RAB33B: variants seen among roughly 807,000 people sequenced by gnomAD.
RAB33B encodes ras-related protein Rab-33B.
RAB33B carries 6 observed loss-of-function variants against 15.0 expected under a neutral mutation model. The ratio of observed to expected loss-of-function variants is 0.40; its 90% CI spans 0.22 to 0.79. The LOEUF (loss-of-function observed/expected upper bound fraction) is 0.79, where lower values mean the gene tolerates loss of function less well. Ranked by LOEUF, RAB33B falls within the 30% of genes least tolerant of loss-of-function variation. RAB33B has a pLI of 0.37. For synonymous variants in RAB33B, 117 were observed against 108.3 expected (o/e 1.08, Z -0.50); for missense variants, 257 against 296.4 (o/e 0.87, Z 0.98).
chr4:139,467,285 T>C (rs1397723737), intron 1 of RAB33B, among the ~76,000 whole-genome samples: 2 of 142,946 alleles, frequency 1.4e-5, no homozygotes, highest in East Asian at 2.1e-4. Flanking sequence ...CGCGCACCTC[T>C]TTCCCCACCA....
Position 139,454,336 on chromosome 4 carries a change from A to T in RAB33B, c.141A>T (p.Thr47=). 1.2e-6 allele frequency: 2 copies of T among 1,614,100 alleles called. No homozygotes were observed. Among genetic ancestry groups the T allele is most frequent in the Non-Finnish European group, 1.7e-6 (2 of 1,180,002 alleles). ...IVIGDSNVGK[T]CLTYRFCAGR... Reference sequence around the variant, plus strand: ...TCGGCGACTCCAATGTGGGCAAGACATGCCTGACCTACCGCTTCTGCGCTG... The same window carrying T: ...TCGGCGACTCCAATGTGGGCAAGACTTGCCTGACCTACCGCTTCTGCGCTG... The change falls in exon 1 of 2, where the codon ACA becomes ACT. Residue 47 remains threonine (T), a synonymous_variant. Coordinates refer to ENST00000305626, the MANE Select transcript of RAB33B (RefSeq NM_031296.3).
At chr4:139,465,703 G>T (rs1425843465) in intron 1 of RAB33B, among the ~76,000 whole-genome samples, 1 of 150,962 alleles carries the variant, frequency 6.6e-6, no homozygotes, top group Non-Finnish European at 1.5e-5. Context: ...GTTTTCTTAG[G>T]ATTAAACTTC....
At chr4:139,461,581 T>C (rs1750171116) in intron 1 of RAB33B, among the ~76,000 whole-genome samples, 1 of 152,036 alleles carries the variant, frequency 6.6e-6, no homozygotes, top group Non-Finnish European at 1.5e-5. Context: ...TAAGAGTAAA[T>C]GCTCATTCCT....
At chr4:139,449,330 T>C (rs1718857448), upstream of RAB33B, 1 of 152,232 alleles carries the variant, frequency 6.6e-6, no homozygotes, top group Non-Finnish European at 1.5e-5. Flanking sequence ...TTATGAATGA[T>C]CTCAGGAGAT....
intron 1 of RAB33B, among the ~76,000 whole-genome samples, chr4:139,467,671 A>G (rs116656529): frequency 1.4e-3 from 214 of 151,874 alleles, no homozygotes; most frequent in African/African-American, 5.0e-3. Context: ...AGCCTGGCCA[A>G]CATGGTGACA....
chr4:139,440,849 G>T, the RAB33B span, among the ~76,000 whole-genome samples: 3 of 152,164 alleles, frequency 2.0e-5, no homozygotes, highest in Non-Finnish European at 4.4e-5. Context: ...GACCTCAGGT[G>T]ACCCATCCAC....
chr4:139,460,153 G>T (rs939246548), intron 1 of RAB33B, among the ~76,000 whole-genome samples: 3 of 152,202 alleles, frequency 2.0e-5, no homozygotes, highest in African/African-American at 7.2e-5. Context: ...TTGTGAGTCT[G>T]GGTGACAGGA....
At chr4:139,438,583 C>T in the RAB33B span, among the ~76,000 whole-genome samples, 11 of 150,020 alleles carry the variant, frequency 7.3e-5, no homozygotes, top group African/African-American at 1.3e-4. Flanking sequence ...CCTGCCAACC[C>T]GGAATCATCT....
intron 1 of RAB33B, among the ~76,000 whole-genome samples, chr4:139,470,138 G>A (rs1325918439): frequency 1.3e-5 from 2 of 152,226 alleles, no homozygotes; most frequent in East Asian, 3.8e-4. Flanking sequence ...TCTTCAGGGT[G>A]GCAAGTTTCC....
chr4:139,470,173 T>C (rs914248950), intron 1 of RAB33B, among the ~76,000 whole-genome samples: 8 of 152,246 alleles, frequency 5.3e-5, no homozygotes, highest in African/African-American at 1.9e-4. Flanking sequence ...GGTCCAGAAG[T>C]ACCTTCCAGG....
the RAB33B span, among the ~76,000 whole-genome samples, chr4:139,446,952 T>C: frequency 6.6e-6 from 1 of 152,202 alleles, no homozygotes; most frequent in Non-Finnish European, 1.5e-5. Context: ...TCTTTTATCA[T>C]GTAAAGGGTA....
intron 1 of RAB33B, among the ~76,000 whole-genome samples, chr4:139,464,397 T>TG (rs1199017509): frequency 6.8e-5 from 10 of 147,688 alleles, no homozygotes; most frequent in Admixed American, 2.8e-4. Flanking sequence ...TTTTTTTTTT[T>TG]TTTTTTTTTT....
At chr4:139,466,927 C>G (rs1422510044) in intron 1 of RAB33B, among the ~76,000 whole-genome samples, 1 of 140,578 alleles carries the variant, frequency 7.1e-6, no homozygotes, top group East Asian at 2.1e-4. Flanking sequence ...TGTGAGTTGT[C>G]TCTTCACTTT....
chr4:139,473,286 T>A lies in RAB33B; in HGVS notation c.*160T>A. 1 of 687,538 alleles carries A rather than the reference T, an allele frequency of 1.5e-6. No individual in the cohort carries two copies. Among genetic ancestry groups the A allele is most frequent in the Non-Finnish European group, 2.3e-6 (1 of 434,222 alleles). The allele number at this position is 687,538 out of a possible 1,614,324, so 42.6% of individuals were successfully genotyped here. ...TGTATTTTGTATCTACTTAAGTTTGTCACTGTGACAACACAGGAAAAGTTG... is the reference window on the plus strand; with the variant it reads ...TGTATTTTGTATCTACTTAAGTTTGACACTGTGACAACACAGGAAAAGTTG... On this transcript the variant is annotated 3_prime_UTR_variant, in exon 2 of 2. Transcript: ENST00000305626.
the RAB33B span, among the ~76,000 whole-genome samples, chr4:139,444,617 T>G: frequency 3.3e-5 from 5 of 152,196 alleles, no homozygotes; most frequent in Non-Finnish European, 7.3e-5. Flanking sequence ...GAGCTGACGT[T>G]GATTCTAGGG....
chr4:139,444,022 G>C, the RAB33B span, among the ~76,000 whole-genome samples: 1 of 152,094 alleles, frequency 6.6e-6, no homozygotes, highest in Non-Finnish European at 1.5e-5. Flanking sequence ...CCCATGAGGA[G>C]GTGCACTATA....
the RAB33B span, among the ~76,000 whole-genome samples, chr4:139,440,627 T>TTG: frequency 6.6e-6 from 1 of 151,936 alleles, no homozygotes; most frequent in Admixed American, 6.6e-5. Flanking sequence ...TTTTTTTTTT[T>TTG]TTTGAGACAG....
rs751831855 is a variant in RAB33B, at chr4:139,454,203, AGGAGAT to A, written c.13_18del (p.Met5_Glu6del). ...TTGGGGCGGGTCGGGGGAATGGCTGAGGAGATGGAGTCGTCGCTCGAGGCAAGCTTT... is the reference window on the plus strand; with the variant it reads ...TTGGGGCGGGTCGGGGGAATGGCTGAGGAGTCGTCGCTCGAGGCAAGCTTT... On this transcript the variant is annotated inframe_deletion, in exon 1 of 2. Coordinates refer to ENST00000305626, the MANE Select transcript of RAB33B (RefSeq NM_031296.3). 6.2e-7 allele frequency: 1 copy of A among 1,611,560 alleles called. No homozygotes were observed. The highest frequency in any genetic ancestry group is 1.1e-5 in the South Asian group (1 of 90,844).
intron 1 of RAB33B, among the ~76,000 whole-genome samples, chr4:139,454,705 A>AG: frequency 6.6e-6 from 1 of 152,320 alleles, no homozygotes; most frequent in East Asian, 1.9e-4. Flanking sequence ...CTGATGATGC[A>AG]GGTGCAGCTA....
Sources: allele counts gnomAD v4.1 joint callset (sites outside exome capture counted in the v4.1 genomes callset), GRCh38; gene constraint gnomAD v4.1.1; transcripts MANE v1.5; gene names NCBI Gene and HGNC (gene_info 2026-07-23, HGNC 2026-07-21).